Variants in KLRG1 observed in about 807,000 individuals in gnomAD.
KLRG1 encodes the protein killer cell lectin-like receptor subfamily G member 1.
A neutral mutation model predicts 21.8 loss-of-function variants in KLRG1; 16 were observed. That is an observed-to-expected ratio of 0.73 (90% CI 0.50 to 1.11). KLRG1 has a LOEUF of 1.11. Ranked by LOEUF, KLRG1 falls within the 50% of genes most tolerant of loss-of-function variation. KLRG1 has a pLI of 0.00. For synonymous variants in KLRG1, 69 were observed against 75.9 expected, an observed-to-expected ratio of 0.91 and a Z score of 0.47; for missense variants, 173 against 218.3, an observed-to-expected ratio of 0.79 and a Z score of 1.31.
the KLRG1 span, among the ~76,000 whole-genome samples, chr12:9,123,384 G>A: frequency 6.6e-6 from 1 of 152,046 alleles, no homozygotes; most frequent in Non-Finnish European, 1.5e-5. Context: ...TGAGCTTTGG[G>A]ACCATTATTA....
chr12:9,132,490 C>T, the KLRG1 span, among the ~76,000 whole-genome samples: 422 of 152,278 alleles, frequency 2.8e-3, 2 homozygotes, highest in African/African-American at 9.5e-3. Context: ...GGTTTCCATT[C>T]TGCAGGCAGT....
chr12:9,072,926 C>T, the KLRG1 span: 1 of 1,458,882 alleles, frequency 6.9e-7, no homozygotes, highest in Non-Finnish European at 9.4e-7. Context: ...GCTTTGAGGG[C>T]TGAGATATTT....
the KLRG1 span, among the ~76,000 whole-genome samples, chr12:9,024,491 T>C: frequency 6.6e-6 from 1 of 152,248 alleles, no homozygotes; most frequent in Non-Finnish European, 1.5e-5. Context: ...TATCTGTTCT[T>C]GGTCCTGAGG....
chr12:9,195,140 T>C, the KLRG1 span, among the ~76,000 whole-genome samples: 1 of 152,184 alleles, frequency 6.6e-6, no homozygotes, highest in African/African-American at 2.4e-5. Flanking sequence ...GATGAATATC[T>C]CAATTATGCT....
the KLRG1 span, chr12:9,093,695 G>A: frequency 2.4e-5 from 14 of 583,874 alleles, no homozygotes; most frequent in African/African-American, 2.5e-4. Flanking sequence ...ATGAAATAGA[G>A]AGGAAGGAGG....
chr12:9,140,447 C>G, the KLRG1 span, among the ~76,000 whole-genome samples: 1 of 152,152 alleles, frequency 6.6e-6, no homozygotes, highest in Non-Finnish European at 1.5e-5. Flanking sequence ...GAGGCAGAGG[C>G]ACATGTTTGG....
the KLRG1 span, among the ~76,000 whole-genome samples, chr12:9,178,647 T>C: frequency 6.6e-6 from 1 of 152,212 alleles, no homozygotes; most frequent in Non-Finnish European, 1.5e-5. Context: ...CATCTCAAAC[T>C]ACAAAAATTA....
the KLRG1 span, chr12:9,163,744 T>G: frequency 1.8e-5 from 29 of 1,613,866 alleles, no homozygotes; most frequent in Middle Eastern, 1.6e-4. Context: ...TCCACAGAGT[T>G]CTAAGGACTG....
At chr12:9,111,402 A>T in the KLRG1 span, 1 of 396,440 alleles carries the variant, frequency 2.5e-6, no homozygotes, top group Admixed American at 2.9e-5. Context: ...TTTTAGACAG[A>T]GGAGTGAAAG....
chr12:9,128,899 A>G, the KLRG1 span, among the ~76,000 whole-genome samples: 1 of 152,152 alleles, frequency 6.6e-6, no homozygotes, highest in African/African-American at 2.4e-5. Flanking sequence ...GAAATATGTG[A>G]AATCTGTTCT....
At chr12:9,187,234 A>G in the KLRG1 span, among the ~76,000 whole-genome samples, 1 of 152,158 alleles carries the variant, frequency 6.6e-6, no homozygotes, top group East Asian at 1.9e-4. Flanking sequence ...AGACTCCCAC[A>G]CAATAATATT....
the KLRG1 span, among the ~76,000 whole-genome samples, chr12:9,019,057 G>A: frequency 6.6e-6 from 1 of 152,166 alleles, no homozygotes; most frequent in East Asian, 1.9e-4. Context: ...TATATAAGGA[G>A]CTCAAACAAC....
the KLRG1 span, among the ~76,000 whole-genome samples, chr12:9,052,340 C>T: frequency 6.6e-6 from 1 of 152,170 alleles, no homozygotes; most frequent in Non-Finnish European, 1.5e-5. Flanking sequence ...TACCTTTTCT[C>T]CTCCCTCAGC....
the KLRG1 span, chr12:9,055,503 A>G: frequency 1.3e-5 from 2 of 152,186 alleles, no homozygotes; most frequent in Non-Finnish European, 2.9e-5. Flanking sequence ...GGATGCCATT[A>G]TTTGTTTATT....
At chr12:8,952,964 T>C (rs1169696080) in intron 1 of KLRG1, among the ~76,000 whole-genome samples, 1 of 152,166 alleles carries the variant, frequency 6.6e-6, no homozygotes, top group African/African-American at 2.4e-5. Flanking sequence ...AGAATGTCTT[T>C]CATTTTGGTT....
intron 3 of KLRG1, among the ~76,000 whole-genome samples, chr12:9,005,448 G>A (rs1244378823): frequency 2.0e-5 from 3 of 152,166 alleles, no homozygotes; most frequent in Non-Finnish European, 4.4e-5. Flanking sequence ...TAGCAGAATG[G>A]ATGGAACTAG....
At chr12:9,148,024 CAT>C in the KLRG1 span, among the ~76,000 whole-genome samples, 57 of 152,088 alleles carry the variant, frequency 3.7e-4, 2 homozygotes, top group African/African-American at 1.3e-3. Flanking sequence ...CCATAAAAGG[CAT>C]TAACTACTCT....
At chr12:9,211,153 T>C in the KLRG1 span, among the ~76,000 whole-genome samples, 1 of 152,144 alleles carries the variant, frequency 6.6e-6, no homozygotes, top group Admixed American at 6.5e-5. Context: ...ATACTCTAGC[T>C]TTTACATTTT....
intron 3 of KLRG1, among the ~76,000 whole-genome samples, chr12:9,006,597 A>G (rs1320888924): frequency 1.3e-5 from 2 of 152,220 alleles, no homozygotes; most frequent in African/African-American, 4.8e-5. Context: ...AATCAGGGGC[A>G]CAGAGTGATT....
Sources: gnomAD v4.1 joint callset for allele counts (sites outside exome capture counted in the v4.1 genomes callset) on GRCh38, gnomAD v4.1.1 for gene constraint, MANE v1.5 for transcripts, NCBI Gene and HGNC (gene_info 2026-07-23, HGNC 2026-07-21) for gene names.